SMAD9: variants seen among roughly 807,000 people sequenced by gnomAD.
The protein encoded by SMAD9 is SMAD family member 9, also known as MAD homolog 9.
In SMAD9, 36 loss-of-function variants were observed where a neutral mutation model predicts 46.1. The ratio of observed to expected loss-of-function variants is 0.78; its 90% CI spans 0.60 to 1.03. The LOEUF is 1.03. SMAD9 is among the 50% of genes least tolerant of loss of function. The pLI is 0.00. For missense variants in SMAD9, 572 were observed against 599.8 expected (o/e 0.95, Z 0.48); for synonymous variants, 245 against 237.1 (o/e 1.03, Z -0.31).
At chr13:36,895,846 G>C (rs986733486) in intron 1 of SMAD9, among the ~76,000 whole-genome samples, 1 of 152,076 alleles carries the variant, frequency 6.6e-6, no homozygotes, top group African/African-American at 2.4e-5. Flanking sequence ...TTTATATTCA[G>C]ATATTAATCT....
chr13:36,863,375 A>G (rs2058202074), intron 5 of SMAD9, among the ~76,000 whole-genome samples: 2 of 152,216 alleles, frequency 1.3e-5, no homozygotes, highest in Non-Finnish European at 2.9e-5. Context: ...ACCATGTGAC[A>G]GTGAGTACCC....
chr13:36,855,251 C>CAAAAAAAAAAAAAA (rs1198605048), intron 5 of SMAD9, among the ~76,000 whole-genome samples: 1 of 45,972 alleles, frequency 2.2e-5, no homozygotes, highest in African/African-American at 8.6e-5. Context: ...GAGTCCATCT[C>CAAAAAAAAAAAAAA]AAAAAAAAAA....
At chr13:36,910,133 C>T (rs546655867) in intron 1 of SMAD9, among the ~76,000 whole-genome samples, 2 of 151,446 alleles carry the variant, frequency 1.3e-5, no homozygotes, top group African/African-American at 4.9e-5. Flanking sequence ...GGAGGCAGAG[C>T]TTGCAGTGAG....
chr13:36,878,895 C>T (rs991507649), intron 2 of SMAD9, among the ~76,000 whole-genome samples: 3 of 152,126 alleles, frequency 2.0e-5, no homozygotes, highest in African/African-American at 7.2e-5. Flanking sequence ...AGCCATCTGC[C>T]TCATTTTCAA....
chr13:36,907,555 A>G (rs1449644210), intron 1 of SMAD9, among the ~76,000 whole-genome samples: 1 of 152,078 alleles, frequency 6.6e-6, no homozygotes, highest in East Asian at 1.9e-4. Context: ...CCCACCTGTA[A>G]TCCCAGCTAC....
In SMAD9 at chr13:36,871,517, C is replaced by CAA. The variant is rs1555240098; in HGVS notation, c.670+1139_670+1140dup. 4.2e-3 allele frequency among the ~76,000 whole-genome samples: 630 copies of CAA among 148,542 alleles called. 3 individuals carry two copies. The highest frequency in any genetic ancestry group is 0.015 in the African/African-American group (594 of 39,868). ...TGGGTGACAGAGCAAGACTCCGTCT[C>CAA]AAAATAAAAAATAAAAAATAAAAAT... On this transcript the variant is annotated intron_variant, in intron 3 of 6. Coordinates refer to ENST00000379826, the MANE Select transcript of SMAD9 (RefSeq NM_001127217.3).
intron 1 of SMAD9, among the ~76,000 whole-genome samples, chr13:36,909,808 A>G (rs1418209023): frequency 2.0e-5 from 3 of 152,212 alleles, no homozygotes; most frequent in Non-Finnish European, 2.9e-5. Flanking sequence ...TGAAAACTGT[A>G]AACTAAGATA....
chr13:36,876,732 A>G (rs2058348844), intron 2 of SMAD9, among the ~76,000 whole-genome samples: 1 of 152,204 alleles, frequency 6.6e-6, no homozygotes, highest in South Asian at 2.1e-4. Context: ...TGCAGCCTTC[A>G]ATGTATCTAA....
chr13:36,910,321 G>A (rs1468683518), intron 1 of SMAD9, among the ~76,000 whole-genome samples: 1 of 152,106 alleles, frequency 6.6e-6, no homozygotes, highest in African/African-American at 2.4e-5. Flanking sequence ...AGAAGAGGGA[G>A]GGATGAAAAC....
intron 6 of SMAD9, chr13:36,851,604 G>A (rs2058075376): frequency 3.3e-6 from 1 of 303,214 alleles, no homozygotes; most frequent in Admixed American, 6.5e-5. Context: ...GCACATGGCA[G>A]GTGCTCAATA....
At chr13:36,887,205 T>G (rs2058453697) in intron 1 of SMAD9, among the ~76,000 whole-genome samples, 2 of 145,272 alleles carry the variant, frequency 1.4e-5, no homozygotes, top group East Asian at 2.1e-4. Context: ...TTAAATGATC[T>G]GACTAGATCT....
At chr13:36,911,665 T>C (rs1326796252) in intron 1 of SMAD9, among the ~76,000 whole-genome samples, 1 of 136,296 alleles carries the variant, frequency 7.3e-6, no homozygotes, top group African/African-American at 2.6e-5. Flanking sequence ...GAATCACAAA[T>C]AAGCCGTGTT....
intron 5 of SMAD9, among the ~76,000 whole-genome samples, chr13:36,856,232 A>T (rs1306046343): frequency 6.6e-6 from 1 of 152,198 alleles, no homozygotes; most frequent in African/African-American, 2.4e-5. Flanking sequence ...AAAGCAGGTG[A>T]AGGGGCCAGA....
intron 3 of SMAD9, among the ~76,000 whole-genome samples, chr13:36,868,486 T>A (rs2058257460): frequency 6.6e-6 from 1 of 152,184 alleles, no homozygotes; most frequent in African/African-American, 2.4e-5. Flanking sequence ...ACACCTGTAA[T>A]CTTAGCATTT....
intron 5 of SMAD9, among the ~76,000 whole-genome samples, chr13:36,865,204 A>C (rs1328453508): frequency 6.6e-6 from 1 of 152,228 alleles, no homozygotes; most frequent in Non-Finnish European, 1.5e-5. Flanking sequence ...CTAGTTTGTA[A>C]GTTTTAGGGA....
rs190906516 is a variant in SMAD9 at position 36,884,564 on chromosome 13, G to A, written c.-186-4689C>T. ...CAAGCCCACTTAAAAGAAAAGCAGCGCTGACCACATGCATACACCATGATT... is the reference window on the plus strand; with the variant it reads ...CAAGCCCACTTAAAAGAAAAGCAGCACTGACCACATGCATACACCATGATT... On this transcript the variant is annotated intron_variant, in intron 1 of 6. Transcript: ENST00000379826. Among the ~76,000 whole-genome samples, 310 of 152,236 alleles carry A rather than the reference G, an allele frequency of 2.0e-3. 2 individuals carry two copies. Among genetic ancestry groups the A allele is most frequent in the African/African-American group, 6.7e-3 (280 of 41,528 alleles).
chr13:36,915,356 G>A (rs559989220), intron 1 of SMAD9, among the ~76,000 whole-genome samples: 79 of 152,292 alleles, frequency 5.2e-4, no homozygotes, highest in African/African-American at 1.8e-3. Context: ...ATTGCTTTTC[G>A]CAACTGCAGC....
intron 1 of SMAD9, among the ~76,000 whole-genome samples, chr13:36,884,112 A>G (rs1486652735): frequency 6.6e-6 from 1 of 152,204 alleles, no homozygotes; most frequent in Non-Finnish European, 1.5e-5. Flanking sequence ...ACTTCACAGC[A>G]CAGAGCAGGG....
At chr13:36,852,433 TG>T (rs35501429) in intron 6 of SMAD9, 24,714 of 985,322 alleles carry the variant, frequency 0.025, 674 homozygotes, top group South Asian at 0.12. Flanking sequence ...GTGATGAAAC[TG>T]AAGGCTTTCA....
Sources: gnomAD v4.1 joint callset for allele counts (sites outside exome capture counted in the v4.1 genomes callset) on GRCh38, gnomAD v4.1.1 for gene constraint, MANE v1.5 for transcripts, NCBI Gene and HGNC (gene_info 2026-07-23, HGNC 2026-07-21) for gene names.